Variants in DLG1 observed in about 807,000 individuals in gnomAD.
DLG1 encodes the protein disks large homolog 1.
A neutral mutation model predicts 123.4 loss-of-function variants in DLG1; 42 were observed. That is an observed-to-expected ratio of 0.34 (90% CI 0.27 to 0.44). The LOEUF (loss-of-function observed/expected upper bound fraction) is 0.44, where lower values mean the gene tolerates loss of function less well. Ranked by LOEUF, DLG1 falls within the 20% of genes least tolerant of loss-of-function variation. The pLI is 1.00. For missense variants in DLG1, 942 were observed against 1,082.6 expected (o/e 0.87, Z 1.82); for synonymous variants, 317 against 356.2 (o/e 0.89, Z 1.24).
intron 4 of DLG1, among the ~76,000 whole-genome samples, chr3:197,236,509 C>T (rs1184996495): frequency 6.6e-6 from 1 of 152,134 alleles, no homozygotes; most frequent in African/African-American, 2.4e-5. Flanking sequence ...ATTTGAACTA[C>T]TGTTCAAAAT....
intron 23 of DLG1, among the ~76,000 whole-genome samples, chr3:197,059,373 A>T (rs2148816861): frequency 6.6e-6 from 1 of 152,320 alleles, no homozygotes; most frequent in South Asian, 2.1e-4. Context: ...GGTGTGTCTG[A>T]TGAAAGCCAC....
chr3:197,115,623 A>G (rs547448618), intron 13 of DLG1, among the ~76,000 whole-genome samples: 2 of 152,360 alleles, frequency 1.3e-5, no homozygotes, highest in South Asian at 4.1e-4. Context: ...GTAACAGATT[A>G]AAGTATAAAG....
At chr3:197,167,907 T>A (rs1183713346) in intron 5 of DLG1, among the ~76,000 whole-genome samples, 1 of 152,216 alleles carries the variant, frequency 6.6e-6, no homozygotes, top group African/African-American at 2.4e-5. Context: ...TTTGAAAATG[T>A]CACAAATGTA....
chr3:197,126,119 A>G (rs1778948520), intron 11 of DLG1, among the ~76,000 whole-genome samples: 1 of 152,214 alleles, frequency 6.6e-6, no homozygotes, highest in African/African-American at 2.4e-5. Context: ...TCAAGTTGAA[A>G]CTGCAAGGTG....
intron 4 of DLG1, among the ~76,000 whole-genome samples, chr3:197,266,967 T>C (rs957404270): frequency 7.2e-5 from 11 of 152,188 alleles, no homozygotes; most frequent in South Asian, 2.1e-4. Context: ...AGAAACTCAA[T>C]GAATCCCAGG....
At position 197,043,350 on chromosome 3, in the gene DLG1, A is replaced by AC. The variant is rs1721186266; in HGVS notation, c.*1272dup. The AC allele has an allele frequency of 6.6e-6, 1 of 152,142 alleles. No individual in the cohort carries two copies. The allele number at this position is 152,142 out of a possible 1,614,324, so 9.4% of individuals were successfully genotyped here. A position where few individuals can be genotyped will look rare whatever the true frequency, so the allele number is the denominator to read the frequency against. Reference sequence around the variant, plus strand: ...AACAACAGTAACAACACGGACAACAACAAAAAACCTCAGGAACCATTTGAA... The same window carrying AC: ...AACAACAGTAACAACACGGACAACAACCAAAAAACCTCAGGAACCATTTGAA... On this transcript the variant is annotated 3_prime_UTR_variant, in exon 25 of 25. Transcript: ENST00000667157.
At chr3:197,188,445 A>C (rs1266974933) in intron 5 of DLG1, among the ~76,000 whole-genome samples, 1 of 152,242 alleles carries the variant, frequency 6.6e-6, no homozygotes. Flanking sequence ...CAGATGTTTA[A>C]TAACTGTTTG....
At chr3:197,059,807 T>G in intron 23 of DLG1, 82 bp downstream of exon 23, 33 of 849,710 alleles carry the variant, frequency 3.9e-5, no homozygotes, top group Non-Finnish European at 5.3e-5. Flanking sequence ...ATAGATAAAC[T>G]GAGATGCAGG....
chr3:197,089,820 A>G (rs1193209981), intron 15 of DLG1, among the ~76,000 whole-genome samples: 1 of 152,222 alleles, frequency 6.6e-6, no homozygotes, highest in African/African-American at 2.4e-5. Context: ...TTGGAACACA[A>G]GAGTTTAATG....
intron 14 of DLG1, among the ~76,000 whole-genome samples, chr3:197,093,033 T>C (rs777878452): frequency 6.6e-6 from 1 of 152,238 alleles, no homozygotes; most frequent in Non-Finnish European, 1.5e-5. Flanking sequence ...CTGATCCTTA[T>C]ATGTCAACAT....
At chr3:197,074,862 T>C (rs1746212059) in intron 18 of DLG1, among the ~76,000 whole-genome samples, 1 of 152,102 alleles carries the variant, frequency 6.6e-6, no homozygotes, top group Admixed American at 6.6e-5. Flanking sequence ...ATGTCTTATG[T>C]AAAATTTAAT....
chr3:197,297,265 G>A (rs935404183), intron 1 of DLG1, 30 bp from the exon 2 acceptor site: 14 of 1,611,972 alleles, frequency 8.7e-6, no homozygotes, highest in Non-Finnish European at 1.2e-5. Flanking sequence ...AAGGAAAAAG[G>A]ATAGAATCAT....
chr3:197,157,674 A>G (rs1297103240), intron 5 of DLG1, among the ~76,000 whole-genome samples: 1 of 152,224 alleles, frequency 6.6e-6, no homozygotes, highest in African/African-American at 2.4e-5. Flanking sequence ...AGGGTTTTCA[A>G]AGAAATAGAA....
intron 18 of DLG1, among the ~76,000 whole-genome samples, chr3:197,073,920 T>G (rs1412162861): frequency 1.3e-5 from 2 of 152,138 alleles, no homozygotes; most frequent in African/African-American, 4.8e-5. Flanking sequence ...TAAGGCCTGA[T>G]GACTACCTAC....
intron 4 of DLG1, among the ~76,000 whole-genome samples, chr3:197,204,405 G>GGGTTA (rs1727479643): frequency 6.6e-6 from 1 of 152,132 alleles, no homozygotes; most frequent in African/African-American, 2.4e-5. Context: ...TTTTCAAATG[G>GGGTTA]GGTTAACTAT....
At chr3:197,227,973 AAGTC>A (rs747973869) in intron 4 of DLG1, among the ~76,000 whole-genome samples, 2 of 152,238 alleles carry the variant, frequency 1.3e-5, no homozygotes, top group African/African-American at 2.4e-5. Context: ...TACATTTACT[AAGTC>A]AGAGCCATAG....
At chr3:197,069,135 TA>T (rs1741788053) in intron 19 of DLG1, 83 bp downstream of exon 19, 1 of 869,702 alleles carries the variant, frequency 1.1e-6, no homozygotes, top group Non-Finnish European at 1.7e-6. Flanking sequence ...CAGGTTTTTA[TA>T]ACATATCACT....
At chr3:197,126,348 T>G (rs990507119) in intron 11 of DLG1, among the ~76,000 whole-genome samples, 1 of 151,970 alleles carries the variant, frequency 6.6e-6, no homozygotes, top group Non-Finnish European at 1.5e-5. Context: ...TGGTGGCGCA[T>G]GCCTGTAATC....
At chr3:197,290,197 C>T (rs1349741530) in intron 3 of DLG1, among the ~76,000 whole-genome samples, 3 of 151,782 alleles carry the variant, frequency 2.0e-5, no homozygotes, top group African/African-American at 7.3e-5. Flanking sequence ...TCATGAAAGA[C>T]ACGGGAAAAA....
Sources: gnomAD v4.1 joint callset for allele counts (sites outside exome capture counted in the v4.1 genomes callset) on GRCh38, gnomAD v4.1.1 for gene constraint, MANE v1.5 for transcripts, NCBI Gene and HGNC (gene_info 2026-07-23, HGNC 2026-07-21) for gene names.